TM9SF4: variants seen among roughly 807,000 people sequenced by gnomAD.
The protein encoded by TM9SF4 is dinucleotide oxidase disulfide thiol exchanger 3 superfamily member 4.
TM9SF4 carries 26 observed loss-of-function variants against 90.4 expected under a neutral mutation model. The ratio of observed to expected loss-of-function variants is 0.29; its 90% CI spans 0.21 to 0.40. TM9SF4 has a LOEUF of 0.40. Among genes scored for constraint, TM9SF4 ranks in the 10% least tolerant of loss-of-function variants. The pLI, the probability that TM9SF4 is intolerant of heterozygous loss-of-function variation, is 1.00. For missense variants in TM9SF4, 549 were observed against 834.8 expected, an observed-to-expected ratio of 0.66 and a Z score of 4.22; for synonymous variants, 293 against 315.4, an observed-to-expected ratio of 0.93 and a Z score of 0.75.
At chr20:32,156,712 T>G (rs1305365662) in intron 13 of TM9SF4, among the ~76,000 whole-genome samples, 1 of 151,892 alleles carries the variant, frequency 6.6e-6, no homozygotes, top group Non-Finnish European at 1.5e-5. Flanking sequence ...GCTCAAGTGG[T>G]CCTCCCACCT....
In TM9SF4 at chr20:32,145,418, T is replaced by C; in HGVS notation, c.878T>C (p.Leu293Pro). The C allele has an allele frequency of 6.2e-7, 1 of 1,614,020 alleles. No homozygotes were observed. The highest frequency in any genetic ancestry group is 1.1e-5 in the South Asian group (1 of 91,078). Residue 293 changes from leucine to proline, a missense_variant, in exon 8 of 18, where the codon CTG (leucine) becomes CCG (proline). Around this residue, in one of 2 missense-constraint regions of TM9SF4, gnomAD observed 495 missense variants for 711.7 expected, o/e 0.70. Transcript: ENST00000398022. ...AACTCCGTTGTTGTGGTCTTCTTCC[T>C]GTCAGGTGAGAGATCTGTGGGTTGA... ...IINSVVVVFFLSGILSMIIIR... is the reference protein window; with the variant it reads ...IINSVVVVFFPSGILSMIIIR...
At chr20:32,155,308 T>G in intron 13 of TM9SF4, 122 bp downstream of exon 13, 1 of 861,782 alleles carries the variant, frequency 1.2e-6, no homozygotes. Context: ...CAGAGTTACG[T>G]TCCCAGCCAT....
intron 1 of TM9SF4, among the ~76,000 whole-genome samples, chr20:32,129,957 T>A (rs1339796734): frequency 6.6e-6 from 1 of 152,240 alleles, no homozygotes; most frequent in Non-Finnish European, 1.5e-5. Context: ...ATACCTGACG[T>A]ATTTTTCTTA....
At chr20:32,150,960 G>A in intron 12 of TM9SF4, 85 bp downstream of exon 12, 2 of 1,535,752 alleles carry the variant, frequency 1.3e-6, no homozygotes, top group Non-Finnish European at 1.8e-6. Context: ...GCAGGTCCTG[G>A]TGGGGATTTT....
intron 1 of TM9SF4, among the ~76,000 whole-genome samples, chr20:32,113,315 T>A (rs898494330): frequency 3.9e-5 from 6 of 152,174 alleles, no homozygotes; most frequent in Non-Finnish European, 5.9e-5. Context: ...ATGGAGGGTG[T>A]TTCCTGAACC....
chr20:32,124,608 A>G (rs1280795220), intron 1 of TM9SF4, among the ~76,000 whole-genome samples: 3 of 146,646 alleles, frequency 2.0e-5, no homozygotes, highest in African/African-American at 7.6e-5. Context: ...TTTTTTTTAG[A>G]TGAAGTCTCA....
At chr20:32,124,914 A>T (rs1384982367) in intron 1 of TM9SF4, among the ~76,000 whole-genome samples, 1 of 152,060 alleles carries the variant, frequency 6.6e-6, no homozygotes, top group Non-Finnish European at 1.5e-5. Context: ...AACCCCATCA[A>T]ACCCAACTTG....
intron 1 of TM9SF4, 28 bp from the exon 2 acceptor site, chr20:32,132,985 A>G (rs556947800): frequency 5.4e-5 from 87 of 1,605,712 alleles, no homozygotes; most frequent in Admixed American, 2.9e-4. Context: ...CTTCTCCCCA[A>G]TCCAACCCTG....
chr20:32,149,897 T>C, intron 10 of TM9SF4, 131 bp downstream of exon 10: 1 of 1,306,938 alleles, frequency 7.7e-7, no homozygotes, highest in Non-Finnish European at 1.0e-6. Flanking sequence ...CATGTCAGTA[T>C]CTCTGGGCCA....
At chr20:32,112,200 A>G (rs996646555) in intron 1 of TM9SF4, among the ~76,000 whole-genome samples, 1 of 152,158 alleles carries the variant, frequency 6.6e-6, no homozygotes, top group Non-Finnish European at 1.5e-5. Flanking sequence ...GCTTGAGCTC[A>G]GGAGTTTGAG....
intron 14 of TM9SF4, 25 bp from the exon 15 acceptor site, chr20:32,158,426 A>T (rs201245308): frequency 1.9e-6 from 3 of 1,613,990 alleles, no homozygotes; most frequent in Non-Finnish European, 2.5e-6. Context: ...GTCTCTAACA[A>T]TGTCAACCTC....
Position 32,109,726 on chromosome 20 carries a change from A to G in TM9SF4, c.-15A>G. ...CACTTCCGCTGACGTCATTACGGCG[A>G]CACGTGGATCCAAGATGGCGACGGC... On this transcript the variant is annotated 5_prime_UTR_variant, in exon 1 of 18. Transcript: ENST00000398022. 1 of 1,551,618 alleles carries G rather than the reference A, an allele frequency of 6.4e-7. No individual in the cohort carries two copies. Among genetic ancestry groups the G allele is most frequent in the Non-Finnish European group, 8.7e-7 (1 of 1,146,982 alleles).
intron 5 of TM9SF4, 121 bp downstream of exon 5, chr20:32,142,016 A>T: frequency 6.6e-7 from 1 of 1,505,496 alleles, no homozygotes; most frequent in Admixed American, 1.9e-5. Context: ...CCTGGGCATG[A>T]TGGTCTGTCA....
intron 1 of TM9SF4, among the ~76,000 whole-genome samples, chr20:32,131,078 T>C (rs576187459): frequency 6.6e-6 from 1 of 152,330 alleles, no homozygotes; most frequent in South Asian, 2.1e-4. Flanking sequence ...AATTGCCCCA[T>C]GAGGCAATTT....
intron 17 of TM9SF4, among the ~76,000 whole-genome samples, chr20:32,163,606 A>ATTTT (rs397866148): frequency 5.0e-5 from 5 of 99,356 alleles, no homozygotes; most frequent in Admixed American, 1.2e-4. Flanking sequence ...TGTGCTAGGA[A>ATTTT]TTTTTTTTTT....
chr20:32,129,479 T>G (rs527366664), intron 1 of TM9SF4, among the ~76,000 whole-genome samples: 1 of 152,126 alleles, frequency 6.6e-6, no homozygotes, highest in South Asian at 2.1e-4. Context: ...GACAACAGAG[T>G]GAGACCCTGT....
chr20:32,131,488 G>GTGTA (rs944773061), intron 1 of TM9SF4, among the ~76,000 whole-genome samples: 1 of 148,712 alleles, frequency 6.7e-6, no homozygotes, highest in Non-Finnish European at 1.5e-5. Context: ...CAGAGTGTGT[G>GTGTA]TGTGTGTGTG....
At position 32,113,885 on chromosome 20, in the gene TM9SF4, G is replaced by A. The variant is rs73104679; in HGVS notation, c.15+4130G>A. Among the ~76,000 whole-genome samples, 874 of 152,188 alleles carry A rather than the reference G, an allele frequency of 5.7e-3. 5 individuals carry two copies. The highest frequency in any genetic ancestry group is 9.5e-3 in the Non-Finnish European group (649 of 68,008). On this transcript the variant is annotated intron_variant, in intron 1 of 17. Transcript: ENST00000398022. ...TGTCCCTATAGATTTGCCTATTCTG[G>A]ACATTTTATACAAAGATAATTATAT...
At chr20:32,138,180 G>A (rs2046620848) in intron 3 of TM9SF4, among the ~76,000 whole-genome samples, 1 of 152,170 alleles carries the variant, frequency 6.6e-6, no homozygotes, top group South Asian at 2.1e-4. Flanking sequence ...AGGCCCATAG[G>A]GCTGTCTGAG....
Sources: gnomAD v4.1 joint callset for allele counts (sites outside exome capture counted in the v4.1 genomes callset) on GRCh38, gnomAD v4.1.1 for gene constraint, gnomAD v4.1.1 regional missense constraint, MANE v1.5 for transcripts, NCBI Gene and HGNC (gene_info 2026-07-23, HGNC 2026-07-21) for gene names.